Variants in PTPRG observed in about 807,000 individuals in gnomAD.
PTPRG encodes receptor-type tyrosine-protein phosphatase gamma.
In PTPRG, 102 loss-of-function variants were observed where a neutral mutation model predicts 165.3. The ratio of observed to expected loss-of-function variants is 0.62; its 90% CI spans 0.53 to 0.73. The LOEUF (loss-of-function observed/expected upper bound fraction) is 0.73, where lower values mean the gene tolerates loss of function less well. PTPRG is among the 30% of genes least tolerant of loss of function. The probability of loss-of-function intolerance (pLI) is 0.00; values close to 1 mark genes in which losing one functional copy is unlikely to be tolerated. For missense variants in PTPRG, 1,866 were observed against 1,861.4 expected (o/e 1.00, Z -0.05); for synonymous variants, 675 against 669.5 (o/e 1.01, Z -0.13).
intron 2 of PTPRG, among the ~76,000 whole-genome samples, chr3:61,771,586 T>C (rs1439646117): frequency 6.6e-6 from 1 of 152,180 alleles, no homozygotes. Flanking sequence ...TAAATTACTT[T>C]GGAGATGAGA....
Position 61,742,933 on chromosome 3 carries a change from G to A in PTPRG, c.86-5945G>A. On this transcript the variant is annotated intron_variant, in intron 1 of 29. Coordinates refer to ENST00000474889, the MANE Select transcript of PTPRG (RefSeq NM_002841.4). ...GACACACACACACAACTTAGGGCGGGGAGTGGACTTAAGTCTGACGGTGCC... is the reference window on the plus strand; with the variant it reads ...GACACACACACACAACTTAGGGCGGAGAGTGGACTTAAGTCTGACGGTGCC... The A allele has an allele frequency of 4.1e-6, 6 of 1,465,382 alleles. No individual in the cohort carries two copies. The South Asian group carries it at 4.5e-5, about 11-fold the overall frequency. The allele number at this position is 1,465,382 out of a possible 1,614,324, so 90.8% of individuals were successfully genotyped here. A position where few individuals can be genotyped will look rare whatever the true frequency, so the allele number is the denominator to read the frequency against.
Position 61,844,402 on chromosome 3 carries a change from T to C in PTPRG, c.190+95420T>C, listed in dbSNP as rs934086866. ...ATTTGAGATAAATGACAAATAATTT[T>C]TTAGGATAAGTAAATCCCATTCAAT... On this transcript the variant is annotated intron_variant, in intron 2 of 29. Transcript: ENST00000474889. Among the ~76,000 whole-genome samples, 11 of 152,378 alleles carry C rather than the reference T, an allele frequency of 7.2e-5. No individual in the cohort carries two copies. In the Middle Eastern group the frequency reaches 0.01, roughly 141 times the overall value.
At chr3:62,185,209 T>C (rs1705828515) in intron 8 of PTPRG, among the ~76,000 whole-genome samples, 1 of 152,156 alleles carries the variant, frequency 6.6e-6, no homozygotes, top group Non-Finnish European at 1.5e-5. Flanking sequence ...GAGCAGTACC[T>C]TCATGCCTGT....
chr3:62,246,477 C>T (rs973870789), intron 15 of PTPRG, among the ~76,000 whole-genome samples: 4 of 152,290 alleles, frequency 2.6e-5, no homozygotes, highest in South Asian at 2.1e-4. Flanking sequence ...TTAATAGTTA[C>T]ATTTGGAAAA....
At chr3:62,135,464 C>G (rs544715920) in intron 6 of PTPRG, among the ~76,000 whole-genome samples, 7 of 152,014 alleles carry the variant, frequency 4.6e-5, no homozygotes, top group Non-Finnish European at 1.0e-4. Context: ...ATTTCTGTTG[C>G]AGTTCAGAAA....
At chr3:61,749,071 C>T (rs758137328) in intron 2 of PTPRG, 89 bp downstream of exon 2, 1 of 1,045,286 alleles carries the variant, frequency 9.6e-7, no homozygotes, top group African/African-American at 1.6e-5. Context: ...CACTTTTATG[C>T]CTGAGTTCTG....
At chr3:61,658,263 G>A (rs1418009462) in intron 1 of PTPRG, among the ~76,000 whole-genome samples, 2 of 152,146 alleles carry the variant, frequency 1.3e-5, no homozygotes, top group African/African-American at 4.8e-5. Context: ...ATTCAGGACT[G>A]GTCACACTGC....
intron 3 of PTPRG, among the ~76,000 whole-genome samples, chr3:61,991,016 G>T (rs1305446850): frequency 6.7e-6 from 1 of 149,956 alleles, no homozygotes; most frequent in African/African-American, 2.5e-5. Flanking sequence ...CTTTGAGTTT[G>T]CCTGGCATGT....
At chr3:61,783,118 G>C (rs1222602176) in intron 2 of PTPRG, among the ~76,000 whole-genome samples, 2 of 152,168 alleles carry the variant, frequency 1.3e-5, no homozygotes, top group Non-Finnish European at 1.5e-5. Flanking sequence ...GTTTGGTTGA[G>C]TATTCCATTT....
intron 4 of PTPRG, among the ~76,000 whole-genome samples, chr3:62,040,036 T>G (rs1700074899): frequency 6.6e-6 from 1 of 152,242 alleles, no homozygotes; most frequent in Non-Finnish European, 1.5e-5. Flanking sequence ...GGTAGTTACT[T>G]TTCCAGCCGA....
intron 2 of PTPRG, among the ~76,000 whole-genome samples, chr3:61,917,182 C>T (rs1306504828): frequency 1.3e-5 from 2 of 152,136 alleles, no homozygotes; most frequent in African/African-American, 4.8e-5. Flanking sequence ...CCAAGTTAGA[C>T]GCTCGGCTCC....
chr3:62,036,421 CATT>C (rs1346826628), intron 4 of PTPRG, among the ~76,000 whole-genome samples: 4 of 152,280 alleles, frequency 2.6e-5, no homozygotes, highest in Admixed American at 2.0e-4. Context: ...CAAGTCCTGG[CATT>C]ATTTGGGAGC....
intron 2 of PTPRG, among the ~76,000 whole-genome samples, chr3:61,981,732 A>T (rs1294820379): frequency 6.6e-6 from 1 of 152,206 alleles, no homozygotes; most frequent in African/African-American, 2.4e-5. Context: ...GCTCCGATTG[A>T]ATTTAGAACT....
chr3:62,063,763 A>G (rs1329828712), intron 4 of PTPRG, among the ~76,000 whole-genome samples: 1 of 152,112 alleles, frequency 6.6e-6, no homozygotes, highest in Non-Finnish European at 1.5e-5. Flanking sequence ...TCATCCTCCC[A>G]AAATGCTGGG....
intron 28 of PTPRG, among the ~76,000 whole-genome samples, chr3:62,283,311 G>A (rs1488641782): frequency 6.6e-6 from 1 of 152,060 alleles, no homozygotes; most frequent in Non-Finnish European, 1.5e-5. Context: ...TAGTATTAAT[G>A]ATAATATTTA....
intron 2 of PTPRG, among the ~76,000 whole-genome samples, chr3:61,951,723 A>G (rs2039903186): frequency 6.6e-6 from 1 of 152,198 alleles, no homozygotes; most frequent in Admixed American, 6.5e-5. Context: ...ACTGTTTTAC[A>G]AAGTACAGAG....
intron 5 of PTPRG, among the ~76,000 whole-genome samples, chr3:62,122,226 A>G (rs535907794): frequency 2.1e-4 from 32 of 152,318 alleles, no homozygotes; most frequent in African/African-American, 7.5e-4. Flanking sequence ...AGTTTTCACT[A>G]GTTTGTCTGT....
chr3:61,770,045 A>C (rs1293471146), intron 2 of PTPRG: 4 of 152,200 alleles, frequency 2.6e-5, no homozygotes, highest in African/African-American at 7.2e-5. Flanking sequence ...TTATTTAGCC[A>C]ATTCCAGAAG....
chr3:62,117,338 G>A (rs1224544695), intron 5 of PTPRG, among the ~76,000 whole-genome samples: 1 of 152,168 alleles, frequency 6.6e-6, no homozygotes, highest in East Asian at 1.9e-4. Context: ...ATTGCACTGT[G>A]CCTTATATAA....
Sources: allele counts gnomAD v4.1 joint callset (sites outside exome capture counted in the v4.1 genomes callset), GRCh38; gene constraint gnomAD v4.1.1; transcripts MANE v1.5; gene names NCBI Gene and HGNC (gene_info 2026-07-23, HGNC 2026-07-21).